The following OSBPL10 variants were observed in gnomAD, a reference collection of about 807,000 sequenced individuals.
OSBPL10 encodes oxysterol-binding protein-related protein 10.
In OSBPL10, 49 loss-of-function variants were observed where a neutral mutation model predicts 81.7. The observed-to-expected ratio is 0.60, with a 90% CI of 0.48 to 0.76. OSBPL10 has a LOEUF of 0.76. Ranked by LOEUF, OSBPL10 falls within the 30% of genes least tolerant of loss-of-function variation. The pLI, the probability that OSBPL10 is intolerant of heterozygous loss-of-function variation, is 0.00. For synonymous variants in OSBPL10, 419 were observed against 383.6 expected (o/e 1.09, Z -1.08); for missense variants, 923 against 987.8 (o/e 0.93, Z 0.88).
intron 4 of OSBPL10, among the ~76,000 whole-genome samples, chr3:31,769,125 CAA>C (rs980611938): frequency 6.6e-6 from 1 of 151,990 alleles, no homozygotes; most frequent in African/African-American, 2.4e-5. Context: ...ACAGAGGAGA[CAA>C]AACATGCAAG....
intron 3 of OSBPL10, among the ~76,000 whole-genome samples, chr3:31,832,253 T>C (rs1700264040): frequency 6.6e-6 from 1 of 152,280 alleles, no homozygotes; most frequent in East Asian, 1.9e-4. Flanking sequence ...AACTATAAAG[T>C]GGCTGCTTAT....
intron 4 of OSBPL10, among the ~76,000 whole-genome samples, chr3:31,774,537 C>G (rs200613302): frequency 0.017 from 2,640 of 151,638 alleles, 70 homozygotes; most frequent in African/African-American, 0.059. Context: ...GTTTTTGAGA[C>G]AGTCTTGCTC....
intron 2 of OSBPL10, chr3:32,045,964 A>C (rs1219131211): frequency 2.0e-5 from 3 of 152,234 alleles, no homozygotes; most frequent in African/African-American, 4.8e-5. Flanking sequence ...TTAATACTGC[A>C]CTTGACCAGT....
intron 4 of OSBPL10, among the ~76,000 whole-genome samples, chr3:31,804,731 C>T (rs1699480897): frequency 6.6e-6 from 1 of 152,230 alleles, no homozygotes; most frequent in African/African-American, 2.4e-5. Context: ...GAAGTGCTGA[C>T]TGCCAACAGC....
rs192046568 is a variant in OSBPL10 at position 31,841,341 on chromosome 3, T to C, written c.538-11110A>G. Among the ~76,000 whole-genome samples, 485 of 152,360 alleles carry C rather than the reference T, an allele frequency of 3.2e-3. 5 individuals carry two copies. The highest frequency in any genetic ancestry group is 4.1e-3 in the Non-Finnish European group (281 of 68,024). On this transcript the variant is annotated intron_variant, in intron 3 of 11. Transcript: ENST00000396556. The stretch of plus-strand genomic sequence containing the variant: ...TATTTTTATTTACTTATTTTTCTAC[T>C]AATTTCTGAAGCACAAAGGAAAGCG...
At chr3:31,812,761 A>AG (rs1485611708) in intron 4 of OSBPL10, among the ~76,000 whole-genome samples, 1 of 45,342 alleles carries the variant, frequency 2.2e-5, no homozygotes, top group African/African-American at 1.0e-4. Flanking sequence ...AAAGAAAGAA[A>AG]GAAAGAAAGA....
At chr3:32,038,200 A>G (rs981067451) in intron 2 of OSBPL10, among the ~76,000 whole-genome samples, 2 of 152,242 alleles carry the variant, frequency 1.3e-5, no homozygotes, top group African/African-American at 4.8e-5. Flanking sequence ...CCTGCTGCAT[A>G]CAATACATGC....
chr3:31,740,164 C>T (rs1287295447), intron 5 of OSBPL10, among the ~76,000 whole-genome samples: 2 of 151,950 alleles, frequency 1.3e-5, no homozygotes, highest in East Asian at 1.9e-4. Context: ...CTGCCTCAGC[C>T]TCCCAAGTAG....
At chr3:31,964,171 G>T (rs551444305) in intron 1 of OSBPL10, among the ~76,000 whole-genome samples, 1 of 152,150 alleles carries the variant, frequency 6.6e-6, no homozygotes, top group Admixed American at 6.6e-5. Context: ...GTTGTTCATT[G>T]TTTGATACAG....
At position 31,662,106 on chromosome 3, in the gene OSBPL10, C is replaced by T. The variant is rs371199338; in HGVS notation, c.2261G>A (p.Trp754Ter). 9 of 1,614,002 alleles carry T rather than the reference C, an allele frequency of 5.6e-6. No individual in the cohort carries two copies. Among genetic ancestry groups the T allele is most frequent in the Non-Finnish European group, 7.6e-6 (9 of 1,180,006 alleles). ...PKYFIQEGDG[W>*]VYFNPLWKAH ...TTTCCAGAGGGGATTGAAGTATACC[C>T]AGCCATCGCCCTGCAAGAGAAGAAA... Residue 754 changes from tryptophan (W) to a stop codon, truncating the protein, a stop_gained, in exon 12 of 12, where the codon TGG becomes TAG. Transcript: ENST00000396556. LOFTEE classifies it high-confidence loss of function.
At chr3:31,823,285 C>T (rs1700023325) in intron 4 of OSBPL10, among the ~76,000 whole-genome samples, 1 of 152,216 alleles carries the variant, frequency 6.6e-6, no homozygotes, top group Non-Finnish European at 1.5e-5. Flanking sequence ...AGAACGAGTC[C>T]TTAATTCAAT....
At chr3:31,696,773 C>T (rs11717500) in intron 7 of OSBPL10, among the ~76,000 whole-genome samples, 93,869 of 152,186 alleles carry the variant, frequency 0.62, 30,059 homozygotes, top group Non-Finnish European at 0.72. Context: ...TCCAGCCTCA[C>T]GGCTTTGACC....
At chr3:31,891,635 T>C (rs1695892642) in intron 1 of OSBPL10, among the ~76,000 whole-genome samples, 1 of 152,224 alleles carries the variant, frequency 6.6e-6, no homozygotes, top group Non-Finnish European at 1.5e-5. Context: ...AGCAGTTTAC[T>C]ACAATGCCAA....
intron 2 of OSBPL10, among the ~76,000 whole-genome samples, chr3:32,037,948 A>G (rs1699535788): frequency 6.6e-6 from 1 of 152,260 alleles, no homozygotes; most frequent in Non-Finnish European, 1.5e-5. Context: ...GAGAGAAAAC[A>G]CTGCTGTGAA....
intron 6 of OSBPL10, among the ~76,000 whole-genome samples, chr3:31,732,416 G>C (rs1020890788): frequency 1.3e-5 from 2 of 152,200 alleles, no homozygotes; most frequent in African/African-American, 4.8e-5. Flanking sequence ...TTATCAAATA[G>C]ATTTTGTAAG....
At chr3:31,941,480 C>A (rs920210588) in intron 1 of OSBPL10, among the ~76,000 whole-genome samples, 1 of 152,166 alleles carries the variant, frequency 6.6e-6, no homozygotes, top group Non-Finnish European at 1.5e-5. Flanking sequence ...TAAATTCCAA[C>A]AGAAGCAGCT....
chr3:31,846,013 A>G (rs958101075), intron 3 of OSBPL10, among the ~76,000 whole-genome samples: 31 of 152,190 alleles, frequency 2.0e-4, no homozygotes, highest in African/African-American at 7.2e-4. Flanking sequence ...AGCTATTTTT[A>G]AAGTTTATGT....
At chr3:31,670,260 C>A (rs1239118735) in intron 9 of OSBPL10, among the ~76,000 whole-genome samples, 1 of 152,184 alleles carries the variant, frequency 6.6e-6, no homozygotes, top group Non-Finnish European at 1.5e-5. Context: ...CACAGTAGAG[C>A]TGTGCTAAAA....
intron 3 of OSBPL10, among the ~76,000 whole-genome samples, chr3:31,849,584 AC>A (rs1416480612): frequency 6.6e-6 from 1 of 152,218 alleles, no homozygotes; most frequent in Non-Finnish European, 1.5e-5. Context: ...TCAAGGGTCT[AC>A]TATATAACCA....
Sources: gnomAD v4.1 joint callset for allele counts (sites outside exome capture counted in the v4.1 genomes callset) on GRCh38, gnomAD v4.1.1 for gene constraint, MANE v1.5 for transcripts, NCBI Gene and HGNC (gene_info 2026-07-23, HGNC 2026-07-21) for gene names.